PRKCZ: variants seen among roughly 807,000 people sequenced by gnomAD.
PRKCZ encodes protein kinase C zeta type.
Under a neutral mutation model 79.5 loss-of-function variants are expected in PRKCZ, and 33 were observed. The ratio of observed to expected loss-of-function variants is 0.41; its 90% CI spans 0.31 to 0.55. The LOEUF (loss-of-function observed/expected upper bound fraction) is 0.55, where lower values mean the gene tolerates loss of function less well. Among genes scored for constraint, PRKCZ ranks in the 20% least tolerant of loss-of-function variants. The probability of loss-of-function intolerance (pLI) is 0.19; values close to 1 mark genes in which losing one functional copy is unlikely to be tolerated. For missense variants in PRKCZ, 578 were observed against 813.5 expected, an observed-to-expected ratio of 0.71 and a Z score of 3.52; for synonymous variants, 342 against 320.9, an observed-to-expected ratio of 1.07 and a Z score of -0.70.
intron 5 of PRKCZ, 144 bp from the exon 6 acceptor site, chr1:2,144,066 G>A (rs888867675): frequency 1.9e-5 from 23 of 1,214,508 alleles, no homozygotes; most frequent in Non-Finnish European, 2.3e-5. Context: ...CAAGCCTGGC[G>A]CCCGGAAGGG....
intron 4 of PRKCZ, among the ~76,000 whole-genome samples, chr1:2,112,471 C>T (rs529296271): frequency 1.3e-5 from 2 of 152,304 alleles, no homozygotes; most frequent in East Asian, 3.9e-4. Context: ...ATGCTGAGGA[C>T]CCCTCAGTCC....
chr1:2,080,194 G>A (rs990999533), intron 4 of PRKCZ, among the ~76,000 whole-genome samples: 2 of 152,162 alleles, frequency 1.3e-5, no homozygotes, highest in Non-Finnish European at 2.9e-5. Context: ...TCTTCCTTTG[G>A]TCTTGGGAGG....
intron 10 of PRKCZ, among the ~76,000 whole-genome samples, chr1:2,159,073 C>T (rs1031483485): frequency 2.0e-5 from 3 of 152,128 alleles, no homozygotes; most frequent in South Asian, 2.1e-4. Context: ...CTACAGGCGC[C>T]TGCCACTACA....
chr1:2,120,215 T>C (rs947201414), intron 4 of PRKCZ, among the ~76,000 whole-genome samples: 4 of 151,694 alleles, frequency 2.6e-5, no homozygotes, highest in Admixed American at 1.3e-4. Flanking sequence ...TTTCTCCTAA[T>C]TGAGATTGGT....
In PRKCZ at chr1:2,185,060, T is replaced by C; in HGVS notation, c.*51T>C. 1 of 1,515,088 alleles carries C rather than the reference T, an allele frequency of 6.6e-7. No individual in the cohort carries two copies. The highest frequency in any genetic ancestry group is 9.0e-7 in the Non-Finnish European group (1 of 1,105,790). The allele number at this position is 1,515,088 out of a possible 1,614,324, so 93.9% of individuals were successfully genotyped here. On this transcript the variant is annotated 3_prime_UTR_variant, in exon 18 of 18. Coordinates refer to ENST00000378567, the MANE Select transcript of PRKCZ (RefSeq NM_002744.6). ...ACGCGTGATTGACCCTTTAACTGTA[T>C]CCTTAACCACCGCATATGCATGCCA...
In PRKCZ at chr1:2,074,238, G is replaced by A. The variant is rs1281204539; in HGVS notation, c.334+14647G>A. 4 of 1,550,386 alleles carry A rather than the reference G, an allele frequency of 2.6e-6. No individual in the cohort carries two copies. The Admixed American group carries it at 7.8e-5, about 30-fold the overall frequency. ...TGGAGGGACCTTCTGAGCGAGGCAG[G>A]GGCTGCTGGAGGGACATGCTCACCC... On this transcript the variant is annotated intron_variant, in intron 4 of 17. Transcript: ENST00000378567.
intron 16 of PRKCZ, among the ~76,000 whole-genome samples, chr1:2,180,226 G>C (rs1161327685): frequency 1.3e-5 from 2 of 152,196 alleles, no homozygotes; most frequent in Non-Finnish European, 2.9e-5. Flanking sequence ...GCAGGCGTGG[G>C]GCCTCTAGCT....
chr1:2,145,904 CTG>C (rs1678400447), intron 6 of PRKCZ, 121 bp from the exon 7 acceptor site: 8 of 780,892 alleles, frequency 1.0e-5, no homozygotes, highest in Non-Finnish European at 1.7e-5. Flanking sequence ...TGATGACAGA[CTG>C]TGACCCTGTC....
intron 4 of PRKCZ, among the ~76,000 whole-genome samples, chr1:2,090,564 A>G (rs1665315955): frequency 6.6e-6 from 1 of 152,182 alleles, no homozygotes; most frequent in Non-Finnish European, 1.5e-5. Context: ...CTGGGGTCAG[A>G]GCCCACCCTG....
At chr1:2,085,671 G>A (rs28720890) in intron 4 of PRKCZ, among the ~76,000 whole-genome samples, 175 of 90,250 alleles carry the variant, frequency 1.9e-3, no homozygotes, top group Middle Eastern at 0.015. Flanking sequence ...CTCAGAGCCC[G>A]TGAGGCACCG....
intron 4 of PRKCZ, among the ~76,000 whole-genome samples, chr1:2,132,362 T>C (rs972909030): frequency 2.0e-5 from 3 of 152,114 alleles, no homozygotes; most frequent in Admixed American, 2.0e-4. Context: ...GGAGCGAGCG[T>C]TTCTGAGCTT....
chr1:2,148,568 C>G (rs1679198800), intron 7 of PRKCZ, among the ~76,000 whole-genome samples: 1 of 152,278 alleles, frequency 6.6e-6, no homozygotes, highest in South Asian at 2.1e-4. Flanking sequence ...CAGACATCCA[C>G]TCCTGCCCCT....
chr1:2,156,236 T>G (rs554511435), intron 10 of PRKCZ, 144 bp downstream of exon 10: 1 of 677,986 alleles, frequency 1.5e-6, no homozygotes, highest in East Asian at 2.8e-5. Flanking sequence ...CAGACTCTCT[T>G]TGTTGTTCTC....
intron 4 of PRKCZ, among the ~76,000 whole-genome samples, chr1:2,063,889 A>G (rs1438292740): frequency 1.5e-5 from 2 of 131,978 alleles, no homozygotes; most frequent in African/African-American, 6.0e-5. Flanking sequence ...TCTGTTGCCC[A>G]GGTTGGAGTG....
chr1:2,107,634 G>A (rs1668815447), intron 4 of PRKCZ, among the ~76,000 whole-genome samples: 1 of 152,232 alleles, frequency 6.6e-6, no homozygotes, highest in South Asian at 2.1e-4. Context: ...GAGGGAGGAT[G>A]AGCCCTGCGA....
intron 7 of PRKCZ, among the ~76,000 whole-genome samples, chr1:2,148,275 T>C (rs1452546338): frequency 1.3e-5 from 2 of 151,868 alleles, no homozygotes; most frequent in Non-Finnish European, 2.9e-5. Flanking sequence ...CATCTATCCA[T>C]CTATTGTCCA....
intron 9 of PRKCZ, among the ~76,000 whole-genome samples, chr1:2,151,276 C>T (rs908725956): frequency 1.2e-4 from 18 of 152,376 alleles, no homozygotes; most frequent in Non-Finnish European, 2.2e-4. Flanking sequence ...CAAGCCCGTA[C>T]GGCTGTTAGT....
At chr1:2,079,744 G>A (rs769166721) in intron 4 of PRKCZ, among the ~76,000 whole-genome samples, 5 of 152,234 alleles carry the variant, frequency 3.3e-5, no homozygotes, top group Non-Finnish European at 7.3e-5. Context: ...GTACTCAGCT[G>A]TTTTCACCGA....
chr1:2,055,380 T>C, intron 1 of PRKCZ, 61 bp from the exon 2 acceptor site: 1 of 1,528,038 alleles, frequency 6.5e-7, no homozygotes, highest in Non-Finnish European at 8.8e-7. Context: ...TTGGTAATCA[T>C]TTTTTAATTT....
Sources: gnomAD v4.1 joint callset for allele counts (sites outside exome capture counted in the v4.1 genomes callset) on GRCh38, gnomAD v4.1.1 for gene constraint, MANE v1.5 for transcripts, NCBI Gene and HGNC (gene_info 2026-07-23, HGNC 2026-07-21) for gene names.